Variants in CPLX4 observed in about 807,000 individuals in gnomAD.
CPLX4 encodes the protein complexin 4.
CPLX4 carries 17 observed loss-of-function variants against 16.1 expected under a neutral mutation model. That is an observed-to-expected ratio of 1.06 (90% CI 0.72 to 1.59). The LOEUF is 1.59. Ranked by LOEUF, CPLX4 falls within the 40% of genes most tolerant of loss-of-function variation. The probability of loss-of-function intolerance (pLI) is 0.00; values close to 1 mark genes in which losing one functional copy is unlikely to be tolerated. For synonymous variants in CPLX4, 55 were observed against 57.8 expected (o/e 0.95, Z 0.22); for missense variants, 193 against 192.9 (o/e 1.00, Z 0.00).
intron 2 of CPLX4, among the ~76,000 whole-genome samples, chr18:59,308,388 T>G (rs1432963334): frequency 1.3e-5 from 2 of 152,098 alleles, no homozygotes; most frequent in Admixed American, 1.3e-4. Flanking sequence ...CTCGGCTGTT[T>G]GCGAGCTCCC....
intron 1 of CPLX4, among the ~76,000 whole-genome samples, chr18:59,316,948 G>A (rs1000242913): frequency 1.2e-4 from 18 of 151,964 alleles, no homozygotes; most frequent in African/African-American, 4.3e-4. Flanking sequence ...TAAGCTTTTT[G>A]TTCTTTTGCA....
chr18:59,305,923 C>T (rs1163268123), intron 2 of CPLX4, among the ~76,000 whole-genome samples: 18 of 152,076 alleles, frequency 1.2e-4, no homozygotes, highest in Admixed American at 1.2e-3. Flanking sequence ...AGAACAGGAA[C>T]CAGAGGGTGA....
chr18:59,303,775 C>T (rs894105115), intron 2 of CPLX4, among the ~76,000 whole-genome samples: 3 of 152,216 alleles, frequency 2.0e-5, no homozygotes, highest in African/African-American at 7.2e-5. Flanking sequence ...GTGACTGCTT[C>T]CCATCCCCAT....
intron 2 of CPLX4, among the ~76,000 whole-genome samples, chr18:59,308,959 A>G (rs2070597436): frequency 6.6e-6 from 1 of 152,228 alleles, no homozygotes; most frequent in Non-Finnish European, 1.5e-5. Context: ...GCAAGCGCAA[A>G]GTGTTGCACT....
At chr18:59,304,924 AGTGTGTGTGTGTGTGTGTGTGTGTGT>A (rs56041280) in intron 2 of CPLX4, among the ~76,000 whole-genome samples, 1 of 142,148 alleles carries the variant, frequency 7.0e-6, no homozygotes, top group Non-Finnish European at 1.5e-5. Context: ...CTCAACAATC[AGTGTGTGTGTGTGTGTGTGTGTGTGT>A]GTGTGTGTGT....
chr18:59,295,904 C>G lies in CPLX4; in HGVS notation c.*794G>C, dbSNP rs1049891552. 4.6e-5 allele frequency: 7 copies of G among 152,128 alleles called. No homozygotes were observed. Among genetic ancestry groups the G allele is most frequent in the African/African-American group, 1.2e-4 (5 of 41,428 alleles). The allele number at this position is 152,128 out of a possible 1,614,324, so 9.4% of individuals were successfully genotyped here. On this transcript the variant is annotated 3_prime_UTR_variant, in exon 3 of 3. Transcript: ENST00000299721. ...TCTTAATGCTCTCTGTTAGTCTACC[C>G]ACTTTGTTCCCATTGCTATCACCAA... is the stretch of plus-strand genomic sequence containing the variant.
At chr18:59,303,830 T>C (rs1034571982) in intron 2 of CPLX4, among the ~76,000 whole-genome samples, 1 of 152,010 alleles carries the variant, frequency 6.6e-6, no homozygotes, top group Non-Finnish European at 1.5e-5. Flanking sequence ...AGGACATGAG[T>C]AGGAGGAGCA....
chr18:59,303,247 T>C (rs1217479722), intron 2 of CPLX4, among the ~76,000 whole-genome samples: 1 of 152,138 alleles, frequency 6.6e-6, no homozygotes, highest in Non-Finnish European at 1.5e-5. Flanking sequence ...GTAGGACAGA[T>C]GGTGTGGATT....
chr18:59,308,748 G>C (rs1260330925), intron 2 of CPLX4, among the ~76,000 whole-genome samples: 1 of 152,146 alleles, frequency 6.6e-6, no homozygotes, highest in African/African-American at 2.4e-5. Context: ...TGGCTTGGAC[G>C]GGAGCGGCTG....
At chr18:59,309,813 ACT>A (rs1396076625) in intron 2 of CPLX4, among the ~76,000 whole-genome samples, 2 of 121,308 alleles carry the variant, frequency 1.6e-5, no homozygotes, top group African/African-American at 6.8e-5. Flanking sequence ...ACAGAGTGAG[ACT>A]CTGTGTCAAA....
chr18:59,299,584 A>C (rs1291527662), intron 2 of CPLX4, among the ~76,000 whole-genome samples: 1 of 152,156 alleles, frequency 6.6e-6, no homozygotes, highest in Non-Finnish European at 1.5e-5. Context: ...CGAGGCCACC[A>C]TCTATGGCTC....
chr18:59,317,447 G>A (rs1184267527), intron 1 of CPLX4, among the ~76,000 whole-genome samples: 1 of 152,012 alleles, frequency 6.6e-6, no homozygotes, highest in Non-Finnish European at 1.5e-5. Context: ...GTGAAAAGTT[G>A]TTGGTGATAT....
In CPLX4 at chr18:59,296,635, G is replaced by A. The variant is rs182607438; in HGVS notation, c.*63C>T. 69 of 1,571,970 alleles carry A rather than the reference G, an allele frequency of 4.4e-5. No homozygotes were observed. Among genetic ancestry groups the A allele is most frequent in the Admixed American group, 1.1e-4 (6 of 55,526 alleles). On this transcript the variant is annotated 3_prime_UTR_variant, in exon 3 of 3. Transcript: ENST00000299721. ...CATTAAAACATGTACTGCTTGAAAC[G>A]TCCCACAAGAGAGTGGTCTTTTCCA... is the stretch of plus-strand genomic sequence containing the variant.
intron 2 of CPLX4, 75 bp downstream of exon 2, chr18:59,312,610 C>T: frequency 1.6e-6 from 1 of 628,364 alleles, no homozygotes; most frequent in Non-Finnish European, 2.8e-6. Context: ...GAACATGATC[C>T]TTTGTGGATA....
At chr18:59,314,013 C>G (rs2070635835) in intron 1 of CPLX4, among the ~76,000 whole-genome samples, 1 of 152,082 alleles carries the variant, frequency 6.6e-6, no homozygotes, top group African/African-American at 2.4e-5. Context: ...TAATCTTAAC[C>G]ATTATACAAA....
At chr18:59,313,793 A>G (rs1401677951) in intron 1 of CPLX4, among the ~76,000 whole-genome samples, 1 of 152,236 alleles carries the variant, frequency 6.6e-6, no homozygotes, top group Non-Finnish European at 1.5e-5. Flanking sequence ...ATGCCCAGAT[A>G]GAAGCAATGG....
chr18:59,299,898 A>G (rs192820149), intron 2 of CPLX4, among the ~76,000 whole-genome samples: 71 of 152,328 alleles, frequency 4.7e-4, no homozygotes, highest in African/African-American at 1.6e-3. Context: ...GTGATTTAAC[A>G]AGTCTTCCAG....
intron 1 of CPLX4, among the ~76,000 whole-genome samples, chr18:59,316,283 CAG>C (rs1377669994): frequency 1.4e-5 from 2 of 144,562 alleles, no homozygotes; most frequent in African/African-American, 5.1e-5. Context: ...ACATTGAACA[CAG>C]AAAGAAAATA....
At chr18:59,300,802 T>A (rs2070535469) in intron 2 of CPLX4, among the ~76,000 whole-genome samples, 1 of 152,208 alleles carries the variant, frequency 6.6e-6, no homozygotes, top group Non-Finnish European at 1.5e-5. Flanking sequence ...GAGGCTGTGA[T>A]GTCCTGGCAC....
Sources: allele counts gnomAD v4.1 joint callset (sites outside exome capture counted in the v4.1 genomes callset), GRCh38; gene constraint gnomAD v4.1.1; transcripts MANE v1.5; gene names NCBI Gene and HGNC (gene_info 2026-07-23, HGNC 2026-07-21).